RAPGEF4: variants seen among roughly 807,000 people sequenced by gnomAD.
RAPGEF4 encodes the protein Rap guanine nucleotide exchange factor 4.
In RAPGEF4, 66 loss-of-function variants were observed where a neutral mutation model predicts 147.9. The observed-to-expected ratio is 0.45, with a 90% CI of 0.37 to 0.55. The LOEUF is 0.55. RAPGEF4 is among the 20% of genes least tolerant of loss of function. The pLI is 0.00. For synonymous variants in RAPGEF4, 419 were observed against 442.7 expected, an observed-to-expected ratio of 0.95 and a Z score of 0.67; for missense variants, 1,071 against 1,257.3, an observed-to-expected ratio of 0.85 and a Z score of 2.24.
intron 16 of RAPGEF4, 97 bp downstream of exon 16, chr2:172,996,651 TGGGAAG>T: frequency 1.2e-6 from 1 of 819,548 alleles, no homozygotes; most frequent in Non-Finnish European, 1.9e-6. Context: ...GAAAGCAGTT[TGGGAAG>T]GGGATTCTGT....
intron 6 of RAPGEF4, among the ~76,000 whole-genome samples, chr2:172,936,550 C>T (rs530054921): frequency 3.1e-4 from 47 of 150,600 alleles, no homozygotes; most frequent in Non-Finnish European, 6.1e-4. Flanking sequence ...TTGTCTCAAC[C>T]GTAATGTAGA....
intron 6 of RAPGEF4, among the ~76,000 whole-genome samples, chr2:172,928,839 G>A (rs188735336): frequency 1.8e-3 from 271 of 152,284 alleles, no homozygotes; most frequent in African/African-American, 6.3e-3. Context: ...TAAAAGAAAT[G>A]AGTTTCTCTT....
At position 172,917,384 on chromosome 2, in the gene RAPGEF4, G is replaced by T. The variant is rs568321036; in HGVS notation, c.445-418G>T. The stretch of plus-strand genomic sequence containing the variant: ...AGATGCGTTTCTTTTTGCTTTGAAA[G>T]AAGCTGATTCAGTGCCATTCACCTA... On this transcript the variant is annotated intron_variant, in intron 4 of 30. Transcript: ENST00000397081. The T allele has an allele frequency of 6.1e-4, 276 of 455,166 alleles. 2 individuals are homozygous for T. The highest frequency in any genetic ancestry group is 4.4e-3 in the South Asian group (270 of 60,982). 28.2% of individuals were successfully genotyped at this position (455,166 alleles called of 1,614,324 possible).
intron 1 of RAPGEF4, among the ~76,000 whole-genome samples, chr2:172,785,957 G>T (rs976734333): frequency 6.6e-6 from 1 of 152,148 alleles, no homozygotes; most frequent in Admixed American, 6.5e-5. Context: ...ACGGTAAAGG[G>T]TTTGCAAATA....
intron 4 of RAPGEF4, among the ~76,000 whole-genome samples, chr2:172,869,410 C>T (rs931050856): frequency 6.6e-6 from 1 of 152,166 alleles, no homozygotes; most frequent in African/African-American, 2.4e-5. Context: ...TGCTAAAAGT[C>T]CTTTCCCTGT....
At chr2:172,962,997 G>A (rs527387118) in intron 8 of RAPGEF4, among the ~76,000 whole-genome samples, 1 of 152,244 alleles carries the variant, frequency 6.6e-6, no homozygotes, top group East Asian at 1.9e-4. Context: ...CAGGAAGCAT[G>A]ACTAAGAGGC....
At chr2:172,762,997 A>G (rs968407060) in intron 1 of RAPGEF4, among the ~76,000 whole-genome samples, 4 of 152,226 alleles carry the variant, frequency 2.6e-5, no homozygotes, top group Non-Finnish European at 5.9e-5. Context: ...TTATTAAAGA[A>G]GGAAAGGCTT....
intron 4 of RAPGEF4, among the ~76,000 whole-genome samples, chr2:172,817,306 G>A (rs949194101): frequency 2.4e-4 from 36 of 152,174 alleles, no homozygotes; most frequent in Admixed American, 8.5e-4. Flanking sequence ...AACTTTAGGT[G>A]CATGATTTGA....
chr2:173,012,609 G>A (rs920594089), intron 17 of RAPGEF4, among the ~76,000 whole-genome samples: 1 of 152,160 alleles, frequency 6.6e-6, no homozygotes, highest in Non-Finnish European at 1.5e-5. Context: ...TTGCCTTAGC[G>A]TTATTAAATG....
At chr2:172,955,159 C>G (rs1017114387) in intron 6 of RAPGEF4, among the ~76,000 whole-genome samples, 1 of 152,170 alleles carries the variant, frequency 6.6e-6, no homozygotes, top group African/African-American at 2.4e-5. Context: ...AGAATTACCC[C>G]CTTTCAAAAG....
At chr2:172,831,266 CTTTTT>C (rs71018521) in intron 4 of RAPGEF4, among the ~76,000 whole-genome samples, 1,271 of 53,918 alleles carry the variant, frequency 0.024, 120 homozygotes, top group Admixed American at 0.18. Context: ...AGATAGAAAA[CTTTTT>C]TTTTTTTTTT....
intron 6 of RAPGEF4, among the ~76,000 whole-genome samples, chr2:172,927,648 A>T (rs1685507464): frequency 6.6e-6 from 1 of 152,124 alleles, no homozygotes; most frequent in Non-Finnish European, 1.5e-5. Context: ...AAAAAAAAGA[A>T]AAAAACCAAC....
At chr2:172,750,504 C>T (rs745457796) in intron 1 of RAPGEF4, among the ~76,000 whole-genome samples, 8 of 152,072 alleles carry the variant, frequency 5.3e-5, no homozygotes, top group Non-Finnish European at 1.0e-4. Flanking sequence ...CAATTATCTC[C>T]TGCCAGGTCC....
chr2:172,918,380 C>CAT (rs1434296547), intron 5 of RAPGEF4, among the ~76,000 whole-genome samples: 1 of 147,218 alleles, frequency 6.8e-6, no homozygotes, highest in Admixed American at 6.8e-5. Context: ...ACCACACACA[C>CAT]ACACACACAC....
intron 4 of RAPGEF4, among the ~76,000 whole-genome samples, chr2:172,861,883 C>A (rs1179087471): frequency 1.3e-5 from 2 of 152,174 alleles, no homozygotes; most frequent in African/African-American, 4.8e-5. Context: ...TCAAGTTTGG[C>A]CTCTAATTTC....
chr2:172,910,902 C>A (rs918351722), intron 4 of RAPGEF4, among the ~76,000 whole-genome samples: 2 of 152,170 alleles, frequency 1.3e-5, no homozygotes, highest in Non-Finnish European at 2.9e-5. Context: ...CAGGTCAGCC[C>A]AAGTTCAAAA....
At chr2:172,993,461 T>C (rs1693026559) in intron 15 of RAPGEF4, among the ~76,000 whole-genome samples, 1 of 152,244 alleles carries the variant, frequency 6.6e-6, no homozygotes, top group Non-Finnish European at 1.5e-5. Flanking sequence ...GAACAGATTG[T>C]AGTGTCCTCA....
At chr2:172,849,451 G>A (rs75467932) in intron 4 of RAPGEF4, among the ~76,000 whole-genome samples, 1 of 152,316 alleles carries the variant, frequency 6.6e-6, no homozygotes, top group Non-Finnish European at 1.5e-5. Flanking sequence ...GGGATTGTTT[G>A]TAGAGAAAGT....
intron 6 of RAPGEF4, among the ~76,000 whole-genome samples, chr2:172,956,424 C>G (rs912289542): frequency 2.6e-5 from 4 of 151,974 alleles, no homozygotes; most frequent in Non-Finnish European, 4.4e-5. Context: ...CCTGATAGGA[C>G]AGTTCCTCAA....
Sources: allele counts gnomAD v4.1 joint callset (sites outside exome capture counted in the v4.1 genomes callset), GRCh38; gene constraint gnomAD v4.1.1; transcripts MANE v1.5; gene names NCBI Gene and HGNC (gene_info 2026-07-23, HGNC 2026-07-21).